Variants in SLC13A1 observed in about 807,000 individuals in gnomAD.
SLC13A1 encodes the protein Na(+)/sulfate cotransporter.
In SLC13A1, 65 loss-of-function variants were observed where a neutral mutation model predicts 70.0. The ratio of observed to expected loss-of-function variants is 0.93; its 90% CI spans 0.76 to 1.14. The LOEUF (loss-of-function observed/expected upper bound fraction) is 1.14, where lower values mean the gene tolerates loss of function less well. SLC13A1 is among the 50% of genes most tolerant of loss of function. The pLI, the probability that SLC13A1 is intolerant of heterozygous loss-of-function variation, is 0.00. For synonymous variants in SLC13A1, 275 were observed against 250.5 expected, an observed-to-expected ratio of 1.10 and a Z score of -0.92; for missense variants, 726 against 717.8, an observed-to-expected ratio of 1.01 and a Z score of -0.13.
intron 1 of SLC13A1, among the ~76,000 whole-genome samples, chr7:123,186,385 T>C (rs1795800965): frequency 6.6e-6 from 1 of 152,092 alleles, no homozygotes; most frequent in Non-Finnish European, 1.5e-5. Context: ...TATTTGATTT[T>C]AGGACTGGCT....
At chr7:123,151,047 G>A (rs1794536868) in intron 6 of SLC13A1, among the ~76,000 whole-genome samples, 1 of 152,076 alleles carries the variant, frequency 6.6e-6, no homozygotes, top group Non-Finnish European at 1.5e-5. Flanking sequence ...TTGAGGGCCA[G>A]GCACAGTGGC....
chr7:123,121,004 T>C (rs1585285077), intron 12 of SLC13A1, among the ~76,000 whole-genome samples: 1 of 152,030 alleles, frequency 6.6e-6, no homozygotes, highest in Non-Finnish European at 1.5e-5. Context: ...TCTAAGAAAT[T>C]TCTTGTGTTA....
At chr7:123,198,973 A>C (rs1796267748) in intron 1 of SLC13A1, among the ~76,000 whole-genome samples, 1 of 152,088 alleles carries the variant, frequency 6.6e-6, no homozygotes, top group African/African-American at 2.4e-5. Flanking sequence ...GCCTGCTACT[A>C]TACACATCTT....
Position 123,125,627 on chromosome 7 carries a change from C to T in SLC13A1, c.1182G>A (p.Leu394=). The T allele has an allele frequency of 6.2e-7, 1 of 1,613,376 alleles. No individual in the cohort carries two copies. The highest frequency in any genetic ancestry group is 8.5e-7 in the Non-Finnish European group (1 of 1,179,638). ...TCTTAGCTGGGATAAGAAAGAATAG[C>T]AGCCCTATAAGTAAAGCAACAGTTG... is the stretch of plus-strand genomic sequence containing the variant. ...TDSTVALLIG[L]LFFLIPAKTL... is the part of the protein sequence containing the mutation. Residue 394 remains leucine (L), a synonymous_variant, in exon 11 of 15, where the codon CTG becomes CTA. Transcript: ENST00000194130.
At chr7:123,156,692 CTTTA>C (rs1359883075) in intron 6 of SLC13A1, among the ~76,000 whole-genome samples, 1 of 152,044 alleles carries the variant, frequency 6.6e-6, no homozygotes, top group East Asian at 1.9e-4. Context: ...ATAATGGATT[CTTTA>C]TTAGACGAAG....
At chr7:123,189,007 T>C (rs957642979) in intron 1 of SLC13A1, among the ~76,000 whole-genome samples, 2 of 142,830 alleles carry the variant, frequency 1.4e-5, no homozygotes, top group African/African-American at 2.6e-5. Flanking sequence ...CCCAGCTACT[T>C]GGGAGGCTGA....
At chr7:123,159,719 A>G (rs918563584) in intron 6 of SLC13A1, among the ~76,000 whole-genome samples, 2 of 152,198 alleles carry the variant, frequency 1.3e-5, no homozygotes, top group African/African-American at 4.8e-5. Flanking sequence ...GGAACGCAGG[A>G]AGAAAAGATG....
chr7:123,194,818 T>C (rs1796124341), intron 1 of SLC13A1, among the ~76,000 whole-genome samples: 1 of 152,032 alleles, frequency 6.6e-6, no homozygotes, highest in Non-Finnish European at 1.5e-5. Context: ...GTAGTGGCAT[T>C]CTCTGACATA....
intron 1 of SLC13A1, among the ~76,000 whole-genome samples, chr7:123,195,195 G>A (rs185060358): frequency 6.3e-4 from 96 of 152,078 alleles, no homozygotes; most frequent in Admixed American, 2.8e-3. Context: ...TGGTTTTGTC[G>A]AACTACCACA....
At chr7:123,163,935 C>T (rs1007662653) in intron 6 of SLC13A1, among the ~76,000 whole-genome samples, 26 of 151,896 alleles carry the variant, frequency 1.7e-4, no homozygotes, top group African/African-American at 6.3e-4. Flanking sequence ...TTACTATTTA[C>T]AGCAGTCACT....
chr7:123,116,982 G>A (rs11761866), intron 14 of SLC13A1, among the ~76,000 whole-genome samples: 65,193 of 152,026 alleles, frequency 0.43, 14,099 homozygotes, highest in Admixed American at 0.48. Flanking sequence ...GTGTTTTCAC[G>A]TTAGGTCCTG....
In SLC13A1 at chr7:123,181,967, A is replaced by T. The variant is rs984473657; in HGVS notation, c.100-866T>A. On this transcript the variant is annotated intron_variant, in intron 1 of 14. Transcript: ENST00000194130. ...TTTTGTCTGGCACTACTGCTGTCTG[A>T]TTCAACTGCCTCAGGGTGAGTCCTT... 3.3e-5 allele frequency among the ~76,000 whole-genome samples: 5 copies of T among 152,260 alleles called. No homozygotes were observed. The East Asian group carries it at 9.7e-4, about 29-fold the overall frequency.
At chr7:123,133,296 T>C (rs1366054523) in intron 8 of SLC13A1, among the ~76,000 whole-genome samples, 1 of 152,086 alleles carries the variant, frequency 6.6e-6, no homozygotes, top group Non-Finnish European at 1.5e-5. Flanking sequence ...TTATTGTACT[T>C]GGTATATTGA....
intron 2 of SLC13A1, among the ~76,000 whole-genome samples, chr7:123,175,062 G>A (rs1795403821): frequency 6.6e-6 from 1 of 151,694 alleles, no homozygotes; most frequent in Non-Finnish European, 1.5e-5. Flanking sequence ...TATCTTGAAG[G>A]CAAGATGTAT....
chr7:123,130,037 C>T (rs921715062), intron 8 of SLC13A1, among the ~76,000 whole-genome samples: 1 of 152,074 alleles, frequency 6.6e-6, no homozygotes, highest in Admixed American at 6.6e-5. Flanking sequence ...CCAATAGTAC[C>T]TTTGGCAAAT....
At chr7:123,170,878 C>T (rs1406480135) in intron 3 of SLC13A1, among the ~76,000 whole-genome samples, 2 of 151,500 alleles carry the variant, frequency 1.3e-5, no homozygotes, top group South Asian at 4.2e-4. Context: ...CGTGCCCGGC[C>T]GAGATAATGT....
chr7:123,124,741 A>G (rs761038243), intron 11 of SLC13A1, among the ~76,000 whole-genome samples: 1 of 152,188 alleles, frequency 6.6e-6, no homozygotes, highest in South Asian at 2.1e-4. Context: ...AAATGTGCAC[A>G]CTTCTTTGTT....
rs533174968 is a variant in SLC13A1, at chr7:123,152,855, T to C, written c.661-5545A>G. On this transcript the variant is annotated intron_variant, in intron 6 of 14. Transcript: ENST00000194130. ...CAAAATAAGTGGTATGTAAATAAGA[T>C]AGGGAAATAAGTTTAAAAATTCTTA... Among the ~76,000 whole-genome samples the C allele has an allele frequency of 1.9e-4, 29 of 152,156 alleles. No individual in the cohort carries two copies. In the South Asian group the frequency reaches 5.8e-3, roughly 30 times the overall value.
In SLC13A1 at chr7:123,124,913, G is replaced by A. The variant is rs78049837; in HGVS notation, c.1240+656C>T. On this transcript the variant is annotated intron_variant, in intron 11 of 14. Transcript: ENST00000194130. ...TCCTGGGCTCAAGTGATCCTCCTGC[G>A]TTGGCCTCCAGATTGGCCACCACAC... is the stretch of plus-strand genomic sequence containing the variant. Among the ~76,000 whole-genome samples the A allele has an allele frequency of 5.9e-3, 895 of 151,946 alleles. 5 individuals carry two copies. The highest frequency in any genetic ancestry group is 9.7e-3 in the Non-Finnish European group (656 of 67,928).
Sources: allele counts gnomAD v4.1 joint callset (sites outside exome capture counted in the v4.1 genomes callset), GRCh38; gene constraint gnomAD v4.1.1; transcripts MANE v1.5; gene names NCBI Gene and HGNC (gene_info 2026-07-23, HGNC 2026-07-21).